The following PLEKHG4B variants were observed in gnomAD, a reference collection of about 807,000 sequenced individuals.
PLEKHG4B encodes pleckstrin homology domain-containing family G member 4B.
A neutral mutation model predicts 121.3 loss-of-function variants in PLEKHG4B; 111 were observed. That is an observed-to-expected ratio of 0.92 (90% CI 0.78 to 1.07). PLEKHG4B has a LOEUF of 1.07. PLEKHG4B is among the 50% of genes least tolerant of loss of function. PLEKHG4B has a pLI of 0.00. For missense variants in PLEKHG4B, 1,831 were observed against 1,757.8 expected (o/e 1.04, Z -0.74); for synonymous variants, 738 against 725.0 (o/e 1.02, Z -0.29).
At position 182,119 on chromosome 5, in the gene PLEKHG4B, C is replaced by T. The variant is rs758470144; in HGVS notation, c.4680C>T (p.Ser1560=). The part of the protein sequence containing the change: ...SSTSSSSSQS[S]SILGSLGLLV... Reference sequence around the variant, plus strand: ...CCTCCTCTTCTAGCAGCCAGTCCTCCTCCATCCTGGGGTCGCTGGGCCTGC... The same window carrying T: ...CCTCCTCTTCTAGCAGCCAGTCCTCTTCCATCCTGGGGTCGCTGGGCCTGC... Residue 1560 remains serine (S), a synonymous_variant, in exon 20 of 20, where the codon TCC becomes TCT. Coordinates refer to ENST00000637938, the MANE Select transcript of PLEKHG4B (RefSeq NM_052909.5). 1.9e-6 allele frequency: 3 copies of T among 1,614,152 alleles called. No homozygotes were observed. Among genetic ancestry groups the T allele is most frequent in the Non-Finnish European group, 2.5e-6 (3 of 1,180,046 alleles).
rs543574771 is a variant in PLEKHG4B, at chr5:184,910, C to T, written c.*2587C>T. ...CTGACTGTTTAAACAAAAGTATTAA[C>T]GTATCTGCGGTTTGTACTATACGCA... On this transcript the variant is annotated 3_prime_UTR_variant, in exon 20 of 20. Transcript: ENST00000637938. The T allele has an allele frequency of 2.6e-5, 4 of 152,310 alleles. No homozygotes were observed. Among genetic ancestry groups the T allele is most frequent in the Admixed American group, 6.5e-5 (1 of 15,302 alleles). The allele number at this position is 152,310 out of a possible 1,614,324, so 9.4% of individuals were successfully genotyped here.
chr5:133,739 A>C (rs1734845473), intron 2 of PLEKHG4B, among the ~76,000 whole-genome samples: 1 of 152,058 alleles, frequency 6.6e-6, no homozygotes, highest in Admixed American at 6.5e-5. Context: ...TAAAGAACTA[A>C]AAGTAGATCT....
At position 184,299 on chromosome 5, in the gene PLEKHG4B, T is replaced by C. The variant is rs1733545958; in HGVS notation, c.*1976T>C. On this transcript the variant is annotated 3_prime_UTR_variant, in exon 20 of 20. Coordinates refer to ENST00000637938, the MANE Select transcript of PLEKHG4B (RefSeq NM_052909.5). ...GATACGAGTGCACATCATAATCAAA[T>C]TGCATATAACCAGTGATAAACAGAA... 2 of 152,134 alleles carry C rather than the reference T, an allele frequency of 1.3e-5. No individual in the cohort carries two copies. The highest frequency in any genetic ancestry group is 1.3e-4 in the Admixed American group (2 of 15,274). 9.4% of individuals were successfully genotyped at this position (152,134 alleles called of 1,614,324 possible).
At position 156,759 on chromosome 5, in the gene PLEKHG4B, C is replaced by T. The variant is rs770188945; in HGVS notation, c.2349-14C>T. 1 of 1,545,826 alleles carries T rather than the reference C, an allele frequency of 6.5e-7. No individual in the cohort carries two copies. The highest frequency in any genetic ancestry group is 1.2e-5 in the South Asian group (1 of 83,920). ...GGCCGCCTGGAAGCCTGAGGACTGCCTTCTCTTCCTCAGGGACACCCTGGA... is the reference window on the plus strand; with the variant it reads ...GGCCGCCTGGAAGCCTGAGGACTGCTTTCTCTTCCTCAGGGACACCCTGGA... On this transcript the variant is annotated splice_polypyrimidine_tract_variant and intron_variant, in intron 10 of 19. Coordinates refer to ENST00000637938, the MANE Select transcript of PLEKHG4B (RefSeq NM_052909.5). The surrounding 1 kb of genome is among the most constrained non-coding windows in gnomAD (Gnocchi z 4.4).
At chr5:97,312 A>G (rs371602055) in intron 1 of PLEKHG4B, among the ~76,000 whole-genome samples, 14 of 99,140 alleles carry the variant, frequency 1.4e-4, no homozygotes, top group African/African-American at 7.1e-4. Flanking sequence ...TCCTCATTCC[A>G]AAGTCAAAAC....
intron 1 of PLEKHG4B, among the ~76,000 whole-genome samples, chr5:106,420 GA>G (rs1266124244): frequency 1.1e-4 from 16 of 152,136 alleles, no homozygotes; most frequent in African/African-American, 3.9e-4. Flanking sequence ...TTTCATGATA[GA>G]AATTACCTTC....
Position 181,695 on chromosome 5 carries a change from C to T in PLEKHG4B, c.4564+20C>T, listed in dbSNP as rs777277812. The T allele has an allele frequency of 3.7e-6, 6 of 1,604,292 alleles. No homozygotes were observed. Among genetic ancestry groups the T allele is most frequent in the African/African-American group, 1.3e-5 (1 of 74,814 alleles). ...GCACAGGTACGGTGGCTCGGTCCCGCCCTCACTCACCCTGCAGAGGGCACT... is the reference window on the plus strand; with the variant it reads ...GCACAGGTACGGTGGCTCGGTCCCGTCCTCACTCACCCTGCAGAGGGCACT... On this transcript the variant is annotated intron_variant, in intron 19 of 19. Coordinates refer to ENST00000637938, the MANE Select transcript of PLEKHG4B (RefSeq NM_052909.5).
intron 9 of PLEKHG4B, 120 bp downstream of exon 9, chr5:155,563 A>G (rs1245047167): frequency 6.7e-6 from 5 of 746,762 alleles, no homozygotes; most frequent in Non-Finnish European, 1.1e-5. Context: ...AGACCTTCAA[A>G]TCCTTTTTCA....
chr5:155,482 A>G (rs2126424629), intron 9 of PLEKHG4B, 39 bp downstream of exon 9: 1 of 1,511,052 alleles, frequency 6.6e-7, no homozygotes. Flanking sequence ...ATTTCATGTG[A>G]CAGGTAGGTG....
intron 2 of PLEKHG4B, among the ~76,000 whole-genome samples, chr5:135,671 AAAAAAAAAAAAATATATATAT>A (rs1734940267): frequency 2.2e-5 from 1 of 45,704 alleles, no homozygotes; most frequent in Non-Finnish European, 4.1e-5. Flanking sequence ...ATCTCAAAAA[AAAAAAAAAAAAATATATATAT>A]ATATATATAT....
At chr5:94,425 C>T (rs899136448) in intron 1 of PLEKHG4B, among the ~76,000 whole-genome samples, 10 of 146,944 alleles carry the variant, frequency 6.8e-5, no homozygotes, top group Middle Eastern at 3.5e-3. Flanking sequence ...GAGACCCCAA[C>T]GTGCTTCTGA....
chr5:140,458 G>C lies in PLEKHG4B; in HGVS notation c.1219G>C (p.Asp407His). 6.3e-7 allele frequency: 1 copy of C among 1,586,300 alleles called. No homozygotes were observed. Among genetic ancestry groups the C allele is most frequent in the Non-Finnish European group, 8.6e-7 (1 of 1,166,800 alleles). The change falls in exon 3 of 20, where the codon GAC becomes CAC. Residue 407 changes from aspartate to histidine, a missense_variant. Coordinates refer to ENST00000637938, the MANE Select transcript of PLEKHG4B (RefSeq NM_052909.5). ...TQEETSGPRG[D>H]PQQTPSLEKE... ...GGAGGAAACCTCTGGCCCCCGGGGA[G>C]ACCCCCAACAGACCCCAAGTCTAGA...
rs994526942 is a variant in PLEKHG4B at position 161,082 on chromosome 5, G to C, written c.2488-701G>C. ...GGGCATCTGACCCCTAGTCGCCCCT[G>C]GTGTTGCTGTTTAACGACAACATGA... On this transcript the variant is annotated intron_variant, in intron 11 of 19. Transcript: ENST00000637938. 6.6e-5 allele frequency among the ~76,000 whole-genome samples: 10 copies of C among 152,284 alleles called. No individual in the cohort carries two copies. The East Asian group carries it at 1.9e-3, about 29-fold the overall frequency.
intron 1 of PLEKHG4B, among the ~76,000 whole-genome samples, chr5:96,674 G>T (rs1386386102): frequency 1.3e-5 from 2 of 152,130 alleles, no homozygotes; most frequent in African/African-American, 4.8e-5. Context: ...TCATGTGTCT[G>T]GAGGCTGGAG....
intron 12 of PLEKHG4B, 118 bp from the exon 13 acceptor site, chr5:162,604 C>T: frequency 1.3e-6 from 1 of 743,268 alleles, no homozygotes; most frequent in Non-Finnish European, 1.9e-6. Flanking sequence ...CTGCCTCTCG[C>T]TCTGCTTTCT....
In PLEKHG4B at chr5:173,993, A is replaced by T. The variant is rs374221327; in HGVS notation, c.4297A>T (p.Lys1433Ter). The change falls in exon 18 of 20, where the codon AAA (lysine) becomes TAA (stop). Residue 1433 changes from lysine (K) to a stop codon, truncating the protein, a stop_gained. Transcript: ENST00000637938. LOFTEE classifies it high-confidence loss of function. ...TGAGATTTGGTTTCGCAGGCGGCGG[A>T]AATCTCAGGACACCTACATTCTCCA... is the stretch of plus-strand genomic sequence containing the variant. ...RFEIWFRRRR[K>*]SQDTYILQAS... The T allele has an allele frequency of 1.2e-6, 2 of 1,611,258 alleles. No homozygotes were observed. The highest frequency in any genetic ancestry group is 2.2e-5 in the South Asian group (2 of 90,378).
intron 2 of PLEKHG4B, among the ~76,000 whole-genome samples, chr5:127,340 T>TTTATTATTATTATTATTATTATTA (rs60825083): frequency 5.9e-5 from 8 of 135,566 alleles, no homozygotes; most frequent in Non-Finnish European, 1.1e-4. Flanking sequence ...ATTGTTGGTT[T>TTTATTATTATTATTATTATTATTA]TTATTATTAT....
intron 3 of PLEKHG4B, among the ~76,000 whole-genome samples, chr5:141,711 A>ATTTTTTTTT (rs34273619): frequency 1.6e-5 from 2 of 127,536 alleles, no homozygotes; most frequent in African/African-American, 3.1e-5. Flanking sequence ...TAAATATTTC[A>ATTTTTTTTT]TTTTTTTTTT....
rs1733453045 is a variant in PLEKHG4B, at chr5:182,578, C to G, written c.*255C>G. On this transcript the variant is annotated 3_prime_UTR_variant, in exon 20 of 20. Coordinates refer to ENST00000637938, the MANE Select transcript of PLEKHG4B (RefSeq NM_052909.5). ...CAAGACAACAGCATAGGAAACAGAC[C>G]TAAAACAAGACAAAAAAAGACTAAA... 1 of 482,522 alleles carries G rather than the reference C, an allele frequency of 2.1e-6. No individual in the cohort carries two copies. Among genetic ancestry groups the G allele is most frequent in the Admixed American group, 3.4e-5 (1 of 28,990 alleles). 29.9% of individuals were successfully genotyped at this position (482,522 alleles called of 1,614,324 possible).
Sources: allele counts gnomAD v4.1 joint callset (sites outside exome capture counted in the v4.1 genomes callset), GRCh38; gene constraint gnomAD v4.1.1; non-coding constraint Gnocchi (gnomAD v3.1); transcripts MANE v1.5; gene names NCBI Gene and HGNC (gene_info 2026-07-23, HGNC 2026-07-21).